The following VAV1 variants were observed in gnomAD, a reference collection of about 807,000 sequenced individuals.
VAV1 encodes vav guanine nucleotide exchange factor 1, also known as proto-oncogene vav.
VAV1 carries 33 observed loss-of-function variants against 128.1 expected under a neutral mutation model. That is an observed-to-expected ratio of 0.26 (90% CI 0.20 to 0.34). The LOEUF (loss-of-function observed/expected upper bound fraction) is 0.34. Ranked by LOEUF, VAV1 falls within the 10% of genes least tolerant of loss-of-function variation. The pLI is 1.00. For synonymous variants in VAV1, 394 were observed against 409.8 expected (o/e 0.96, Z 0.47); for missense variants, 715 against 1,093.7 (o/e 0.65, Z 4.88).
chr19:6,825,023 T>C (rs1226907638), intron 6 of VAV1, 30 bp from the exon 7 acceptor site: 1 of 1,612,384 alleles, frequency 6.2e-7, no homozygotes, highest in Non-Finnish European at 8.5e-7. Flanking sequence ...GAATCTTATC[T>C]TCCGTCATCT....
At chr19:6,784,244 A>G in intron 1 of VAV1, 1 of 652,356 alleles carries the variant, frequency 1.5e-6, no homozygotes, top group Non-Finnish European at 2.8e-6. Flanking sequence ...ACAAAAGAGT[A>G]AGACCCTGTC....
Position 6,854,103 on chromosome 19 carries a change from G to C in VAV1, c.2484+5G>C. 6.2e-7 allele frequency: 1 copy of C among 1,612,374 alleles called. No homozygotes were observed. Among genetic ancestry groups the C allele is most frequent in the Non-Finnish European group, 8.5e-7 (1 of 1,179,864 alleles). ...CGAGGGGAGATCTATGGCCGGGTGA[G>C]GCAGGCAGGGCTGGGTGACGGGGAG... On this transcript the variant is annotated splice_donor_5th_base_variant and intron_variant, in intron 26 of 26. Transcript: ENST00000602142.
intron 21 of VAV1, among the ~76,000 whole-genome samples, chr19:6,840,064 A>G (rs1213554969): frequency 6.6e-6 from 1 of 152,112 alleles, no homozygotes; most frequent in Non-Finnish European, 1.5e-5. Context: ...CATCACCACC[A>G]TCATCTCCAG....
At chr19:6,849,702 G>A (rs1201224196) in intron 23 of VAV1, among the ~76,000 whole-genome samples, 9 of 152,114 alleles carry the variant, frequency 5.9e-5, no homozygotes, top group African/African-American at 9.7e-5. Flanking sequence ...TACTGTTTCT[G>A]TATTAATTCA....
chr19:6,828,402 C>A lies in VAV1; in HGVS notation c.1024-17C>A, dbSNP rs1253523774. On this transcript the variant is annotated splice_polypyrimidine_tract_variant and intron_variant, in intron 10 of 26. Coordinates refer to ENST00000602142, the MANE Select transcript of VAV1 (RefSeq NM_005428.4). The surrounding 1 kb of genome is among the most constrained non-coding windows in gnomAD (Gnocchi z 4.5). Reference sequence around the variant, plus strand: ...GGGGAGGGGCCCAGGTGACGTCTGACGTCTTGGTTCTCTCAGGAGCTGGTG... The same window carrying A: ...GGGGAGGGGCCCAGGTGACGTCTGAAGTCTTGGTTCTCTCAGGAGCTGGTG... 1.2e-6 allele frequency: 2 copies of A among 1,613,890 alleles called. No individual in the cohort carries two copies. The highest frequency in any genetic ancestry group is 2.7e-5 in the African/African-American group (2 of 74,898).
chr19:6,784,117 G>A, intron 1 of VAV1: 1 of 436,464 alleles, frequency 2.3e-6, no homozygotes. Context: ...AGCCCGGCAT[G>A]GTGGTGCACG....
At chr19:6,801,866 G>A (rs887356388) in intron 1 of VAV1, among the ~76,000 whole-genome samples, 2 of 152,158 alleles carry the variant, frequency 1.3e-5, no homozygotes, top group Non-Finnish European at 2.9e-5. Flanking sequence ...GTTGATGGGA[G>A]GCTGGCTGGC....
intron 26 of VAV1, 46 bp from the exon 27 acceptor site, chr19:6,857,008 G>A (rs758056579): frequency 1.3e-6 from 2 of 1,578,584 alleles, no homozygotes; most frequent in East Asian, 2.2e-5. Flanking sequence ...GGGGCAGTAG[G>A]AGGATGTGCA....
intron 19 of VAV1, among the ~76,000 whole-genome samples, chr19:6,834,651 A>T (rs1003813661): frequency 1.4e-4 from 21 of 146,530 alleles, no homozygotes; most frequent in African/African-American, 4.4e-4. Context: ...ATATATTATA[A>T]TAATATATAA....
chr19:6,803,399 C>T (rs1280014511), intron 1 of VAV1, among the ~76,000 whole-genome samples: 1 of 152,172 alleles, frequency 6.6e-6, no homozygotes, highest in African/African-American at 2.4e-5. Context: ...CAATGGCAAA[C>T]TGCCATGGCA....
chr19:6,828,559 G>A lies in VAV1; in HGVS notation c.1093-63G>A, dbSNP rs1258055355. 2.5e-6 allele frequency: 4 copies of A among 1,613,502 alleles called. No individual in the cohort carries two copies. Among genetic ancestry groups the A allele is most frequent in the Non-Finnish European group, 3.4e-6 (4 of 1,179,622 alleles). On this transcript the variant is annotated intron_variant, in intron 11 of 26. Coordinates refer to ENST00000602142, the MANE Select transcript of VAV1 (RefSeq NM_005428.4). This position sits in a 1 kb window ranked among gnomAD's most constrained non-coding sequence, Gnocchi z 4.5. ...CCTGGTAGGGGCTGATCCTCTAGCC[G>A]GGATTAGGTAGGAGCCTGGGTCGGC...
intron 1 of VAV1, among the ~76,000 whole-genome samples, chr19:6,775,573 G>A (rs891925447): frequency 2.6e-5 from 4 of 152,204 alleles, no homozygotes; most frequent in Non-Finnish European, 5.9e-5. Flanking sequence ...GTGCCCAGCT[G>A]TATCAGGCTC....
chr19:6,835,009 C>T lies in VAV1; in HGVS notation c.1777+1056C>T, dbSNP rs193110254. On this transcript the variant is annotated intron_variant, in intron 19 of 26. Transcript: ENST00000602142. Reference sequence around the variant, plus strand: ...AGTGAGCCATGATCACGCCACTGCACGCCAACCTGGGCAACAGAGCAAGAT... The same window carrying T: ...AGTGAGCCATGATCACGCCACTGCATGCCAACCTGGGCAACAGAGCAAGAT... 2.6e-4 allele frequency among the ~76,000 whole-genome samples: 39 copies of T among 151,582 alleles called. No individual in the cohort carries two copies. The East Asian group carries it at 3.5e-3, about 14-fold the overall frequency.
At chr19:6,829,993 C>T in intron 14 of VAV1, 75 bp downstream of exon 14, 2 of 1,600,558 alleles carry the variant, frequency 1.2e-6, no homozygotes, top group Non-Finnish European at 1.7e-6. Context: ...GGGCATGTGC[C>T]TGTTTGCCAG....
At chr19:6,775,754 C>T (rs1351267344) in intron 1 of VAV1, among the ~76,000 whole-genome samples, 2 of 152,136 alleles carry the variant, frequency 1.3e-5, no homozygotes, top group Non-Finnish European at 2.9e-5. Flanking sequence ...GCCACAGGAA[C>T]AACCTCTCTG....
chr19:6,783,670 G>A (rs1970819488), intron 1 of VAV1, among the ~76,000 whole-genome samples: 1 of 151,918 alleles, frequency 6.6e-6, no homozygotes, highest in African/African-American at 2.4e-5. Context: ...GTTTCTCCAT[G>A]TTAGTCAGGG....
At chr19:6,840,655 G>A (rs926858302) in intron 21 of VAV1, among the ~76,000 whole-genome samples, 1 of 151,098 alleles carries the variant, frequency 6.6e-6, no homozygotes, top group African/African-American at 2.4e-5. Context: ...AGGCTGGAGT[G>A]CAGTGGTCGT....
chr19:6,797,930 T>C (rs1186983213), intron 1 of VAV1, among the ~76,000 whole-genome samples: 1 of 149,592 alleles, frequency 6.7e-6, no homozygotes, highest in East Asian at 1.9e-4. Context: ...GCCAGTATCC[T>C]GCTGACTTAA....
intron 1 of VAV1, among the ~76,000 whole-genome samples, chr19:6,791,226 G>T (rs1971010145): frequency 6.6e-6 from 1 of 152,062 alleles, no homozygotes; most frequent in Admixed American, 6.5e-5. Context: ...TCATCTTGAG[G>T]TCCTTGAGAT....
Sources: allele counts gnomAD v4.1 joint callset (sites outside exome capture counted in the v4.1 genomes callset), GRCh38; gene constraint gnomAD v4.1.1; non-coding constraint Gnocchi (gnomAD v3.1); transcripts MANE v1.5; gene names NCBI Gene and HGNC (gene_info 2026-07-23, HGNC 2026-07-21).